The following CHSY3 variants were observed in gnomAD, a reference collection of about 807,000 sequenced individuals.
The protein encoded by CHSY3 is N-acetylgalactosaminyl-proteoglycan 3-beta-glucuronosyltransferase 3.
In CHSY3, 35 loss-of-function variants were observed where a neutral mutation model predicts 67.2. That is an observed-to-expected ratio of 0.52 (90% CI 0.40 to 0.69). CHSY3 has a LOEUF of 0.69. Among genes scored for constraint, CHSY3 ranks in the 30% least tolerant of loss-of-function variants. The pLI is 0.00. For synonymous variants in CHSY3, 474 were observed against 434.7 expected, an observed-to-expected ratio of 1.09 and a Z score of -1.12; for missense variants, 1,069 against 1,138.5, an observed-to-expected ratio of 0.94 and a Z score of 0.88.
chr5:130,092,191 T>C (rs2149693560), intron 2 of CHSY3, among the ~76,000 whole-genome samples: 1 of 152,310 alleles, frequency 6.6e-6, no homozygotes, highest in Middle Eastern at 3.4e-3. Context: ...TCTGAAATCC[T>C]AAAAACACTG....
intron 2 of CHSY3, among the ~76,000 whole-genome samples, chr5:129,986,032 T>C (rs1763190675): frequency 1.3e-5 from 2 of 152,130 alleles, no homozygotes; most frequent in African/African-American, 4.8e-5. Context: ...TTCTTTCTTT[T>C]GCCTAATTGC....
intron 2 of CHSY3, among the ~76,000 whole-genome samples, chr5:129,993,940 G>C (rs1580625721): frequency 1.3e-5 from 2 of 152,226 alleles, no homozygotes; most frequent in South Asian, 4.2e-4. Context: ...TTGCTTGTCT[G>C]TAAAGGATTT....
intron 2 of CHSY3, among the ~76,000 whole-genome samples, chr5:129,937,907 C>A (rs1408154272): frequency 6.6e-6 from 1 of 152,158 alleles, no homozygotes; most frequent in African/African-American, 2.4e-5. Context: ...ACAGCCTCCA[C>A]AACTGCTTTC....
At chr5:129,985,678 C>G (rs1007069433) in intron 2 of CHSY3, among the ~76,000 whole-genome samples, 2 of 151,956 alleles carry the variant, frequency 1.3e-5, no homozygotes, top group Non-Finnish European at 2.9e-5. Context: ...TTTTCCATTT[C>G]TTTGTGTCAT....
At chr5:129,955,274 T>C (rs1762138928) in intron 2 of CHSY3, among the ~76,000 whole-genome samples, 1 of 152,122 alleles carries the variant, frequency 6.6e-6, no homozygotes, top group Non-Finnish European at 1.5e-5. Flanking sequence ...CTCTTTTCCT[T>C]GGAGACATCT....
At chr5:130,062,358 G>T (rs568529200) in intron 2 of CHSY3, among the ~76,000 whole-genome samples, 16 of 152,156 alleles carry the variant, frequency 1.1e-4, no homozygotes, top group African/African-American at 3.9e-4. Flanking sequence ...GGCACACATG[G>T]ACATAAAGAT....
rs575811502 is a variant in CHSY3, at chr5:130,095,671, A to T, written c.1087-88558A>T. On this transcript the variant is annotated intron_variant, in intron 2 of 2. Coordinates refer to ENST00000305031, the MANE Select transcript of CHSY3 (RefSeq NM_175856.5). ...TCACTATTAGAATATCACAGTAACA[A>T]TTGCTGCAAGGCAAGATCCACCAAT... Among the ~76,000 whole-genome samples the T allele has an allele frequency of 2.3e-4, 35 of 152,352 alleles. 1 individual carries two copies. The highest frequency in any genetic ancestry group is 7.9e-4 in the African/African-American group (33 of 41,594).
chr5:130,077,525 T>C (rs1034950266), intron 2 of CHSY3, among the ~76,000 whole-genome samples: 1 of 152,180 alleles, frequency 6.6e-6, no homozygotes, highest in African/African-American at 2.4e-5. Flanking sequence ...ATATATGTTT[T>C]ATGCAGAATT....
intron 2 of CHSY3, among the ~76,000 whole-genome samples, chr5:130,065,278 C>A (rs750781684): frequency 6.6e-6 from 1 of 152,114 alleles, no homozygotes. Flanking sequence ...ACATTTAGAA[C>A]CAGCTTGAAA....
intron 2 of CHSY3, among the ~76,000 whole-genome samples, chr5:129,984,434 G>C (rs1763112573): frequency 6.6e-6 from 1 of 152,038 alleles, no homozygotes; most frequent in South Asian, 2.1e-4. Context: ...CACCATTGAT[G>C]GCCATATAGG....
chr5:130,127,456 GT>G (rs1469809353), intron 2 of CHSY3, among the ~76,000 whole-genome samples: 1 of 145,746 alleles, frequency 6.9e-6, no homozygotes, highest in Non-Finnish European at 1.5e-5. Flanking sequence ...TCCTGGGTCT[GT>G]CTGACTCTAA....
intron 1 of CHSY3, 117 bp from the exon 2 acceptor site, chr5:129,907,960 C>T (rs1313024214): frequency 2.1e-6 from 3 of 1,447,042 alleles, no homozygotes; most frequent in East Asian, 2.4e-5. Context: ...TTCTTCTTTT[C>T]AGTTGTGTAA....
chr5:130,054,939 A>G (rs1374155184), intron 2 of CHSY3, among the ~76,000 whole-genome samples: 1 of 152,064 alleles, frequency 6.6e-6, no homozygotes, highest in Non-Finnish European at 1.5e-5. Flanking sequence ...CTACTCCAGC[A>G]GGGCTAGGTG....
chr5:130,026,269 T>G (rs909749851), intron 2 of CHSY3, among the ~76,000 whole-genome samples: 1 of 152,178 alleles, frequency 6.6e-6, no homozygotes, highest in Admixed American at 6.6e-5. Context: ...TATCTCCTCT[T>G]AATTACCAAT....
intron 2 of CHSY3, among the ~76,000 whole-genome samples, chr5:129,983,000 A>C (rs1319077361): frequency 6.6e-6 from 1 of 151,994 alleles, no homozygotes; most frequent in African/African-American, 2.4e-5. Context: ...TATGTTTGGG[A>C]TTTAATCTTA....
At chr5:130,130,771 C>A (rs986780063) in intron 2 of CHSY3, among the ~76,000 whole-genome samples, 2 of 152,182 alleles carry the variant, frequency 1.3e-5, no homozygotes, top group Non-Finnish European at 2.9e-5. Flanking sequence ...GGTCCACAAA[C>A]CTCCACAGAG....
intron 2 of CHSY3, among the ~76,000 whole-genome samples, chr5:130,027,992 T>G (rs6878590): frequency 0.014 from 2,109 of 152,244 alleles, 48 homozygotes; most frequent in African/African-American, 0.048. Context: ...TACCCAGTAA[T>G]GGGATGGCTG....
At position 130,185,291 on chromosome 5, in the gene CHSY3, T is replaced by A. The variant is rs1368759390; in HGVS notation, c.2149T>A (p.Cys717Ser). The A allele has an allele frequency of 6.2e-7, 1 of 1,611,798 alleles. No homozygotes were observed. The highest frequency in any genetic ancestry group is 1.3e-5 in the African/African-American group (1 of 74,994). ...QFDNDTLLLF[C>S]DVDLIFREDF... Reference sequence around the variant, plus strand: ...TGACAATGACACTTTGCTGCTATTTTGTGATGTTGACTTGATCTTCAGAGA... The same window carrying A: ...TGACAATGACACTTTGCTGCTATTTAGTGATGTTGACTTGATCTTCAGAGA... Residue 717 changes from cysteine (C) to serine (S), a missense_variant, in exon 3 of 3, where the codon TGT becomes AGT. Transcript: ENST00000305031.
intron 2 of CHSY3, among the ~76,000 whole-genome samples, chr5:130,034,727 G>C (rs374755930): frequency 6.6e-6 from 1 of 152,146 alleles, no homozygotes; most frequent in African/African-American, 2.4e-5. Context: ...TCAAGACAGG[G>C]AGCACTGATG....
Sources: gnomAD v4.1 joint callset for allele counts (sites outside exome capture counted in the v4.1 genomes callset) on GRCh38, gnomAD v4.1.1 for gene constraint, MANE v1.5 for transcripts, NCBI Gene and HGNC (gene_info 2026-07-23, HGNC 2026-07-21) for gene names.